LRIG3: variants seen among roughly 807,000 people sequenced by gnomAD.
LRIG3 encodes the protein leucine-rich repeats and immunoglobulin-like domains protein 3.
LRIG3 carries 76 observed loss-of-function variants against 114.5 expected under a neutral mutation model. The observed-to-expected ratio is 0.66, with a 90% CI of 0.55 to 0.80. The LOEUF (loss-of-function observed/expected upper bound fraction) is 0.80. Among genes scored for constraint, LRIG3 ranks in the 30% least tolerant of loss-of-function variants. The probability of loss-of-function intolerance (pLI) is 0.00; values close to 1 mark genes in which losing one functional copy is unlikely to be tolerated. For synonymous variants in LRIG3, 512 were observed against 519.8 expected (o/e 0.98, Z 0.20); for missense variants, 1,239 against 1,382.8 (o/e 0.90, Z 1.65).
chr12:58,881,850 T>C (rs1479587323), intron 12 of LRIG3, among the ~76,000 whole-genome samples: 2 of 152,236 alleles, frequency 1.3e-5, no homozygotes, highest in South Asian at 2.1e-4. Context: ...AATAAATCGA[T>C]GTTCAGATTC....
chr12:58,876,919 C>T (rs1011633168), intron 15 of LRIG3, among the ~76,000 whole-genome samples: 1 of 152,148 alleles, frequency 6.6e-6, no homozygotes, highest in Non-Finnish European at 1.5e-5. Context: ...TCTAAGCTTT[C>T]GAATTATGCT....
Position 58,888,925 on chromosome 12 carries a change from G to A in LRIG3, c.697C>T (p.Leu233=). ...AGAGCACCAAGGCCTTGGAATGTCA[G>A]TCCATCTACATTTTTAATCTTGTTT... ...NRNKIKNVDG[L]TFQGLGALKS... The change falls in exon 6 of 19, where the codon CTG becomes TTG. Residue 233 remains leucine (L), a synonymous_variant. Transcript: ENST00000320743. The A allele has an allele frequency of 6.2e-7, 1 of 1,613,734 alleles. No homozygotes were observed. Among genetic ancestry groups the A allele is most frequent in the Non-Finnish European group, 8.5e-7 (1 of 1,179,788 alleles).
intron 1 of LRIG3, among the ~76,000 whole-genome samples, chr12:58,917,997 G>A (rs978318785): frequency 6.6e-6 from 1 of 152,148 alleles, no homozygotes; most frequent in African/African-American, 2.4e-5. Flanking sequence ...GACCTCTAGA[G>A]CTTTAGGTAC....
intron 18 of LRIG3, 21 bp downstream of exon 18, chr12:58,874,034 C>T: frequency 1.2e-6 from 2 of 1,613,452 alleles, no homozygotes; most frequent in Non-Finnish European, 1.7e-6. Flanking sequence ...GACGAGGTAC[C>T]TGATAACTTA....
chr12:58,885,318 C>G (rs1486301724), intron 10 of LRIG3, among the ~76,000 whole-genome samples: 1 of 152,156 alleles, frequency 6.6e-6, no homozygotes, highest in Non-Finnish European at 1.5e-5. Context: ...TCCTATGTCA[C>G]TCTTAAGGAT....
Position 58,920,268 on chromosome 12 carries a change from C to A in LRIG3, c.-33G>T. On this transcript the variant is annotated 5_prime_UTR_variant, in exon 1 of 19. Transcript: ENST00000320743. ...CAGCGGCCTAGGTCTCTACCCGAAG[C>A]TCCCAGCCGGCGCGCGCTCGGGGCC... The A allele has an allele frequency of 7.6e-7, 1 of 1,309,684 alleles. No individual in the cohort carries two copies. The highest frequency in any genetic ancestry group is 9.7e-7 in the Non-Finnish European group (1 of 1,033,142). 81.1% of individuals were successfully genotyped at this position (1,309,684 alleles called of 1,614,324 possible). A position where few individuals can be genotyped will look rare whatever the true frequency, so the allele number is the denominator to read the frequency against.
chr12:58,899,186 G>T (rs1171523373), intron 3 of LRIG3, among the ~76,000 whole-genome samples: 1 of 152,212 alleles, frequency 6.6e-6, no homozygotes. Flanking sequence ...AGGTGATGGT[G>T]ATGTGCTAGG....
In LRIG3 at chr12:58,874,208, T is replaced by C. The variant is rs1279115973; in HGVS notation, c.2962A>G (p.Ile988Val). ...TTCCTCACATGTGAAGGCCACGATA[T>C]ATTACTGAAGCTCCGTTCGCAGGAT... is the stretch of plus-strand genomic sequence containing the variant. Reference protein sequence around the residue: ...EESCERSFSNISWPSHVRKLL... With the variant: ...EESCERSFSNVSWPSHVRKLL... The change falls in exon 18 of 19, where the codon ATA becomes GTA. Residue 988 changes from isoleucine to valine, a missense_variant. Transcript: ENST00000320743. The C allele has an allele frequency of 4.3e-6, 7 of 1,614,066 alleles. No homozygotes were observed. Among genetic ancestry groups the C allele is most frequent in the South Asian group, 2.2e-5 (2 of 91,086 alleles).
At chr12:58,908,429 C>G (rs970075037) in intron 3 of LRIG3, among the ~76,000 whole-genome samples, 1 of 152,070 alleles carries the variant, frequency 6.6e-6, no homozygotes, top group Non-Finnish European at 1.5e-5. Flanking sequence ...AAGCTGTATG[C>G]CTGAACACCA....
intron 3 of LRIG3, among the ~76,000 whole-genome samples, chr12:58,894,212 G>A (rs921728417): frequency 3.3e-5 from 5 of 152,212 alleles, no homozygotes; most frequent in African/African-American, 9.6e-5. Context: ...GTGTGAAAGT[G>A]CTCAGTTCTA....
In LRIG3 at chr12:58,887,066, C is replaced by A. The variant is rs147806421; in HGVS notation, c.1092-176G>T. Reference sequence around the variant, plus strand: ...CTTACCTCTTACACCCTGCCTGATTCCCTCAACAACATTTTAAGTTTTTCC... The same window carrying A: ...CTTACCTCTTACACCCTGCCTGATTACCTCAACAACATTTTAAGTTTTTCC... On this transcript the variant is annotated intron_variant, in intron 8 of 18. Coordinates refer to ENST00000320743, the MANE Select transcript of LRIG3 (RefSeq NM_153377.5). 444 of 530,326 alleles carry A rather than the reference C, an allele frequency of 8.4e-4. 1 individual carries two copies. Among genetic ancestry groups the A allele is most frequent in the Non-Finnish European group, 1.4e-3 (411 of 302,894 alleles). The allele number at this position is 530,326 out of a possible 1,614,324, so 32.9% of individuals were successfully genotyped here.
intron 3 of LRIG3, among the ~76,000 whole-genome samples, chr12:58,910,781 A>G (rs1263541879): frequency 1.3e-5 from 2 of 152,204 alleles, no homozygotes; most frequent in African/African-American, 4.8e-5. Context: ...TTAATAACCA[A>G]CAAGGCTCTT....
intron 12 of LRIG3, among the ~76,000 whole-genome samples, chr12:58,881,414 T>C (rs999098936): frequency 9.1e-6 from 1 of 109,470 alleles, no homozygotes; most frequent in Admixed American, 1.1e-4. Context: ...GTAATTTAGG[T>C]AGAGGCAAAA....
In LRIG3 at chr12:58,911,853, CA is replaced by C. The variant is rs1453314941; in HGVS notation, c.383+2128del. Among the ~76,000 whole-genome samples, 6 of 152,026 alleles carry C rather than the reference CA, an allele frequency of 3.9e-5. No individual in the cohort carries two copies. In the East Asian group the frequency reaches 9.6e-4, roughly 24 times the overall value. ...CAAAACATTCGTAGATGAAAACAACCAGAGAGGTAAATTTTTCAAGATATTT... is the reference window on the plus strand; with the variant it reads ...CAAAACATTCGTAGATGAAAACAACCGAGAGGTAAATTTTTCAAGATATTT... On this transcript the variant is annotated intron_variant, in intron 3 of 18. Transcript: ENST00000320743.
chr12:58,916,346 A>G (rs866955060), intron 1 of LRIG3, among the ~76,000 whole-genome samples: 24 of 152,314 alleles, frequency 1.6e-4, no homozygotes, highest in Non-Finnish European at 2.5e-4. Context: ...TGTACTATTA[A>G]AACTACATTA....
At chr12:58,884,549 T>C (rs1044037233) in intron 10 of LRIG3, among the ~76,000 whole-genome samples, 2 of 152,220 alleles carry the variant, frequency 1.3e-5, no homozygotes, top group East Asian at 1.9e-4. Context: ...CAAACCCTTT[T>C]GGCTAGTTTT....
intron 1 of LRIG3, 103 bp downstream of exon 1, chr12:58,919,897 C>G: frequency 8.4e-7 from 1 of 1,185,116 alleles, no homozygotes; most frequent in African/African-American, 1.5e-5. Flanking sequence ...AGGAGCTATA[C>G]GGCAAAAAGG....
At chr12:58,888,777 G>A in intron 6 of LRIG3, 42 bp downstream of exon 6, 1 of 1,602,736 alleles carries the variant, frequency 6.2e-7, no homozygotes, top group Non-Finnish European at 8.5e-7. Context: ...AGCATTCTAT[G>A]ATCATACTAC....
intron 16 of LRIG3, among the ~76,000 whole-genome samples, chr12:58,876,185 C>T (rs898717894): frequency 4.2e-4 from 64 of 152,270 alleles, no homozygotes; most frequent in African/African-American, 1.5e-3. Flanking sequence ...GTAAAGGATA[C>T]ACAAATATCC....
Sources: allele counts gnomAD v4.1 joint callset (sites outside exome capture counted in the v4.1 genomes callset), GRCh38; gene constraint gnomAD v4.1.1; transcripts MANE v1.5; gene names NCBI Gene and HGNC (gene_info 2026-07-23, HGNC 2026-07-21).